The following KCNH5 variants were observed in gnomAD, a reference collection of about 807,000 sequenced individuals.
The protein encoded by KCNH5 is potassium voltage-gated channel subfamily H member 5, also known as voltage-gated delayed rectifier potassium channel KCNH5.
Under a neutral mutation model 96.1 loss-of-function variants are expected in KCNH5, and 46 were observed. That is an observed-to-expected ratio of 0.48 (90% CI 0.38 to 0.61). The LOEUF is 0.61. KCNH5 is among the 20% of genes least tolerant of loss of function. The pLI, the probability that KCNH5 is intolerant of heterozygous loss-of-function variation, is 0.00. For missense variants in KCNH5, 907 were observed against 1,225.8 expected, an observed-to-expected ratio of 0.74 and a Z score of 3.88; for synonymous variants, 439 against 449.8, an observed-to-expected ratio of 0.98 and a Z score of 0.30.
At chr14:62,894,451 G>A (rs561924758) in intron 7 of KCNH5, among the ~76,000 whole-genome samples, 3 of 152,292 alleles carry the variant, frequency 2.0e-5, no homozygotes, top group South Asian at 4.1e-4. Context: ...GCTCCTGCAC[G>A]TTTGTAAGTG....
intron 6 of KCNH5, among the ~76,000 whole-genome samples, chr14:62,956,749 C>T (rs1426771112): frequency 6.6e-6 from 1 of 152,012 alleles, no homozygotes; most frequent in Admixed American, 6.6e-5. Flanking sequence ...TTCCTGTTGG[C>T]AAGTTTAATT....
At chr14:62,887,001 T>C (rs1888611455) in intron 7 of KCNH5, among the ~76,000 whole-genome samples, 1 of 152,182 alleles carries the variant, frequency 6.6e-6, no homozygotes, top group South Asian at 2.1e-4. Context: ...AATGCCATAT[T>C]TGGTTGACTT....
chr14:62,798,884 T>A (rs1886592473), intron 9 of KCNH5, among the ~76,000 whole-genome samples: 1 of 152,182 alleles, frequency 6.6e-6, no homozygotes, highest in Non-Finnish European at 1.5e-5. Flanking sequence ...TAATTAATTT[T>A]AAAATAACCT....
At chr14:62,757,411 A>C (rs1232603021) in intron 10 of KCNH5, among the ~76,000 whole-genome samples, 2 of 152,140 alleles carry the variant, frequency 1.3e-5, no homozygotes, top group Non-Finnish European at 2.9e-5. Flanking sequence ...AAATAGAACT[A>C]CCATATGATC....
intron 10 of KCNH5, among the ~76,000 whole-genome samples, chr14:62,753,976 ACTACTCATAT>A (rs1885562007): frequency 6.6e-6 from 1 of 152,220 alleles, no homozygotes; most frequent in African/African-American, 2.4e-5. Context: ...TGCTGTGTAA[ACTACTCATAT>A]CTTAAATAGA....
intron 7 of KCNH5, among the ~76,000 whole-genome samples, chr14:62,913,660 G>C (rs1313423799): frequency 1.3e-5 from 2 of 151,998 alleles, no homozygotes; most frequent in African/African-American, 2.4e-5. Context: ...TAGTACTTGG[G>C]AGAAACTACA....
chr14:63,041,389 C>G (rs1005184192), intron 1 of KCNH5, among the ~76,000 whole-genome samples: 2 of 152,090 alleles, frequency 1.3e-5, no homozygotes, highest in African/African-American at 2.4e-5. Flanking sequence ...AGACACAAAT[C>G]TAGTCTGTAA....
intron 6 of KCNH5, among the ~76,000 whole-genome samples, chr14:62,976,873 G>A (rs1016050241): frequency 2.6e-5 from 4 of 152,080 alleles, no homozygotes; most frequent in Non-Finnish European, 5.9e-5. Context: ...AAATGATATC[G>A]ATAGAATACT....
intron 1 of KCNH5, among the ~76,000 whole-genome samples, chr14:63,019,602 T>C (rs1891388730): frequency 6.6e-6 from 1 of 152,020 alleles, no homozygotes; most frequent in Non-Finnish European, 1.5e-5. Flanking sequence ...TCTTTTTCAA[T>C]GAATTTTATT....
At chr14:62,862,097 C>T (rs1888047172) in intron 7 of KCNH5, among the ~76,000 whole-genome samples, 1 of 152,102 alleles carries the variant, frequency 6.6e-6, no homozygotes, top group Non-Finnish European at 1.5e-5. Flanking sequence ...TCATAAGCAC[C>T]AGCATGTAAA....
intron 4 of KCNH5, among the ~76,000 whole-genome samples, chr14:62,994,057 A>G (rs1437595079): frequency 6.6e-6 from 1 of 152,110 alleles, no homozygotes; most frequent in Non-Finnish European, 1.5e-5. Flanking sequence ...AAAAATAAAA[A>G]GAAGTCACAG....
At chr14:62,748,652 T>A (rs1885430058) in intron 10 of KCNH5, among the ~76,000 whole-genome samples, 1 of 152,092 alleles carries the variant, frequency 6.6e-6, no homozygotes, top group Non-Finnish European at 1.5e-5. Flanking sequence ...ATAGGGGTGA[T>A]GATATTCCTG....
intron 6 of KCNH5, among the ~76,000 whole-genome samples, chr14:62,951,260 CAT>C (rs1890000130): frequency 6.6e-6 from 1 of 152,198 alleles, no homozygotes; most frequent in Non-Finnish European, 1.5e-5. Context: ...CCGGAAAATT[CAT>C]ATTTTGTTGA....
At chr14:62,890,521 C>T (rs1306015454) in intron 7 of KCNH5, among the ~76,000 whole-genome samples, 3 of 147,278 alleles carry the variant, frequency 2.0e-5, no homozygotes, top group Non-Finnish European at 4.5e-5. Context: ...CGGTGAAACC[C>T]CGTCTCTACT....
intron 10 of KCNH5, among the ~76,000 whole-genome samples, chr14:62,749,815 A>G (rs1008248432): frequency 2.1e-4 from 32 of 151,996 alleles, no homozygotes; most frequent in African/African-American, 7.5e-4. Context: ...GGCTCTTTCC[A>G]CTTTCCCCAA....
chr14:62,765,641 A>C (rs1885843065), intron 10 of KCNH5, among the ~76,000 whole-genome samples: 1 of 152,188 alleles, frequency 6.6e-6, no homozygotes, highest in African/African-American at 2.4e-5. Context: ...ACTAATATCC[A>C]GAATCTAAAA....
At chr14:62,794,654 G>A (rs997477760) in intron 9 of KCNH5, among the ~76,000 whole-genome samples, 6 of 151,882 alleles carry the variant, frequency 4.0e-5, no homozygotes, top group Non-Finnish European at 7.4e-5. Flanking sequence ...TTCCAAAGAC[G>A]CCCAAGTGTA....
intron 7 of KCNH5, among the ~76,000 whole-genome samples, chr14:62,905,961 T>G (rs559426713): frequency 2.0e-5 from 3 of 152,226 alleles, no homozygotes; most frequent in African/African-American, 7.2e-5. Flanking sequence ...CCACCCTAAC[T>G]CTCCCATAGG....
intron 7 of KCNH5, among the ~76,000 whole-genome samples, chr14:62,881,674 A>T (rs1297868051): frequency 6.6e-6 from 1 of 152,082 alleles, no homozygotes; most frequent in Non-Finnish European, 1.5e-5. Context: ...GCACATTACT[A>T]GTCATGGGTA....
Sources: allele counts gnomAD v4.1 joint callset (sites outside exome capture counted in the v4.1 genomes callset), GRCh38; gene constraint gnomAD v4.1.1; transcripts MANE v1.5; gene names NCBI Gene and HGNC (gene_info 2026-07-23, HGNC 2026-07-21).